The following PRR16 variants were observed in gnomAD, a reference collection of about 807,000 sequenced individuals.
PRR16 encodes proline rich 16.
In PRR16, 6 loss-of-function variants were observed where a neutral mutation model predicts 18.2. The ratio of observed to expected loss-of-function variants is 0.33; its 90% CI spans 0.18 to 0.65. The LOEUF is 0.65. PRR16 is among the 30% of genes least tolerant of loss of function. The pLI, the probability that PRR16 is intolerant of heterozygous loss-of-function variation, is 0.74. For synonymous variants in PRR16, 151 were observed against 147.8 expected (o/e 1.02, Z -0.16); for missense variants, 412 against 376.6 (o/e 1.09, Z -0.78).
chr5:120,631,731 C>T (rs956965402), intron 1 of PRR16, among the ~76,000 whole-genome samples: 3 of 152,086 alleles, frequency 2.0e-5, no homozygotes, highest in Non-Finnish European at 2.9e-5. Flanking sequence ...ATCCCTGCCC[C>T]GACCTGATGG....
intron 1 of PRR16, among the ~76,000 whole-genome samples, chr5:120,579,195 G>T (rs1008799637): frequency 2.6e-5 from 4 of 152,076 alleles, no homozygotes; most frequent in African/African-American, 9.7e-5. Flanking sequence ...CTCCCATTCT[G>T]TAGGTTGCTT....
chr5:120,732,769 G>T, the PRR16 span, among the ~76,000 whole-genome samples: 1 of 152,138 alleles, frequency 6.6e-6, no homozygotes, highest in African/African-American at 2.4e-5. Flanking sequence ...ATTTCTGTTT[G>T]CAATCTAGAC....
chr5:120,721,570 C>G, the PRR16 span, among the ~76,000 whole-genome samples: 1 of 151,838 alleles, frequency 6.6e-6, no homozygotes, highest in Non-Finnish European at 1.5e-5. Flanking sequence ...GAGGCAACAC[C>G]CTTGAGTGAG....
chr5:120,481,259 T>TG (rs781696440), intron 1 of PRR16: 7 of 468,530 alleles, frequency 1.5e-5, no homozygotes, highest in South Asian at 7.8e-5. Flanking sequence ...GCTATTCTCC[T>TG]GCCTCAGCCT....
the PRR16 span, among the ~76,000 whole-genome samples, chr5:120,748,411 A>T: frequency 1.3e-5 from 2 of 152,082 alleles, no homozygotes; most frequent in Non-Finnish European, 2.9e-5. Flanking sequence ...TTATTCTTTC[A>T]TAAATTCATT....
At chr5:120,658,073 A>C (rs1756046250) in intron 1 of PRR16, 1 of 151,852 alleles carries the variant, frequency 6.6e-6, no homozygotes, top group African/African-American at 2.4e-5. Flanking sequence ...AGAGAGCTCT[A>C]ACTATTGGAC....
the PRR16 span, among the ~76,000 whole-genome samples, chr5:120,703,042 G>A: frequency 6.6e-6 from 1 of 152,152 alleles, no homozygotes; most frequent in East Asian, 1.9e-4. Context: ...GTGCAGGCGG[G>A]CTGAGTCCGA....
At chr5:120,476,071 G>A (rs1385351073) in intron 1 of PRR16, among the ~76,000 whole-genome samples, 1 of 152,096 alleles carries the variant, frequency 6.6e-6, no homozygotes, top group Non-Finnish European at 1.5e-5. Context: ...CATAGATGGT[G>A]TTTTAATAGC....
chr5:120,698,746 T>C, the PRR16 span, among the ~76,000 whole-genome samples: 1 of 152,240 alleles, frequency 6.6e-6, no homozygotes, highest in East Asian at 1.9e-4. Flanking sequence ...GTAAAAGTAT[T>C]GTCCAGTCCT....
the PRR16 span, among the ~76,000 whole-genome samples, chr5:120,769,007 C>T: frequency 6.6e-6 from 1 of 151,778 alleles, no homozygotes; most frequent in East Asian, 1.9e-4. Flanking sequence ...AGCCACCCAT[C>T]CGCCAACATG....
intron 1 of PRR16, among the ~76,000 whole-genome samples, chr5:120,512,417 CTCTTGCTCTGAGAT>C (rs1750858086): frequency 6.6e-6 from 1 of 152,064 alleles, no homozygotes; most frequent in Non-Finnish European, 1.5e-5. Context: ...TGCTCTGAGA[CTCTTGCTCTGAGAT>C]GAGGTGACAT....
the PRR16 span, among the ~76,000 whole-genome samples, chr5:120,759,687 CAGTTAAA>C: frequency 6.6e-6 from 1 of 151,964 alleles, no homozygotes; most frequent in Non-Finnish European, 1.5e-5. Flanking sequence ...ATTAAAAAAT[CAGTTAAA>C]AGTTTTGGAG....
intron 1 of PRR16, among the ~76,000 whole-genome samples, chr5:120,513,277 A>G (rs1010023462): frequency 1.3e-5 from 2 of 152,088 alleles, no homozygotes; most frequent in Non-Finnish European, 2.9e-5. Flanking sequence ...CGTTGATTCC[A>G]TTTGTATTTA....
the PRR16 span, among the ~76,000 whole-genome samples, chr5:120,698,988 T>C: frequency 1.3e-5 from 2 of 152,090 alleles, no homozygotes. Flanking sequence ...GAAATGACTG[T>C]GGTGGCCTTC....
chr5:120,598,028 C>T (rs1220237431), intron 1 of PRR16, among the ~76,000 whole-genome samples: 2 of 151,848 alleles, frequency 1.3e-5, no homozygotes, highest in Non-Finnish European at 2.9e-5. Context: ...TGTATACAAA[C>T]ATACAGGACC....
intron 1 of PRR16, among the ~76,000 whole-genome samples, chr5:120,628,462 C>T (rs555398735): frequency 6.6e-6 from 1 of 151,902 alleles, no homozygotes; most frequent in Non-Finnish European, 1.5e-5. Flanking sequence ...TCTCATGAAG[C>T]CTAGCACTGT....
intron 1 of PRR16, among the ~76,000 whole-genome samples, chr5:120,552,846 C>T (rs1752295826): frequency 6.6e-6 from 1 of 151,756 alleles, no homozygotes; most frequent in African/African-American, 2.4e-5. Flanking sequence ...CACACATTTC[C>T]TATTGACTTT....
intron 1 of PRR16, among the ~76,000 whole-genome samples, chr5:120,507,818 C>T (rs1232494973): frequency 6.6e-6 from 1 of 152,014 alleles, no homozygotes; most frequent in East Asian, 1.9e-4. Context: ...CTGTCTGATG[C>T]AAGAATCAAT....
At position 120,637,317 on chromosome 5, in the gene PRR16, G is replaced by GAAAAAAAA. The variant is rs372136712; in HGVS notation, c.160-48618_160-48611dup. Among the ~76,000 whole-genome samples, 4 of 62,636 alleles carry GAAAAAAAA rather than the reference G, an allele frequency of 6.4e-5. 1 individual carries two copies. Among genetic ancestry groups the GAAAAAAAA allele is most frequent in the Non-Finnish European group, 8.1e-5 (3 of 36,984 alleles). 41.1% of individuals were successfully genotyped at this position (62,636 alleles called of 152,430 possible). On this transcript the variant is annotated intron_variant, in intron 1 of 1. Transcript: ENST00000407149. ...CCGGAGGAAAGTAAGCCATTATACG[G>GAAAAAAAA]AAAAAAAAAAAAAAAAAAAAAAAAA...
Sources: allele counts gnomAD v4.1 joint callset (sites outside exome capture counted in the v4.1 genomes callset), GRCh38; gene constraint gnomAD v4.1.1; transcripts MANE v1.5; gene names NCBI Gene and HGNC (gene_info 2026-07-23, HGNC 2026-07-21).